SSBP3: variants seen among roughly 807,000 people sequenced by gnomAD.
SSBP3 encodes the protein single-stranded DNA-binding protein 3.
Under a neutral mutation model 69.6 loss-of-function variants are expected in SSBP3, and 5 were observed. That is an observed-to-expected ratio of 0.07 (90% CI 0.04 to 0.15). The LOEUF is 0.15. Among genes scored for constraint, SSBP3 ranks in the 10% least tolerant of loss-of-function variants. SSBP3 has a pLI of 1.00. For synonymous variants in SSBP3, 196 were observed against 193.4 expected (o/e 1.01, Z -0.11); for missense variants, 312 against 534.0 (o/e 0.58, Z 4.10).
intron 4 of SSBP3, among the ~76,000 whole-genome samples, chr1:54,362,055 T>A (rs377620672): frequency 3.1e-4 from 47 of 152,220 alleles, no homozygotes; most frequent in African/African-American, 1.0e-3. Flanking sequence ...AAATTCAGAA[T>A]TTGTATCTTT....
At chr1:54,246,359 A>G (rs1644733761) in intron 9 of SSBP3, among the ~76,000 whole-genome samples, 1 of 152,316 alleles carries the variant, frequency 6.6e-6, no homozygotes, top group South Asian at 2.1e-4. Flanking sequence ...CCCCAGGCCT[A>G]TTCTCCACTG....
intron 4 of SSBP3, among the ~76,000 whole-genome samples, chr1:54,391,226 C>T (rs529116526): frequency 3.3e-5 from 5 of 152,224 alleles, no homozygotes; most frequent in African/African-American, 9.6e-5. Context: ...AGCATTTTCA[C>T]GTGCTCTCAC....
chr1:54,254,379 A>G (rs985944107), intron 7 of SSBP3, among the ~76,000 whole-genome samples: 13 of 152,138 alleles, frequency 8.5e-5, no homozygotes, highest in African/African-American at 2.4e-4. Flanking sequence ...ACAACCCTGG[A>G]TTCCAGCCAC....
chr1:54,348,880 T>C (rs956500941), intron 4 of SSBP3, among the ~76,000 whole-genome samples: 5 of 152,194 alleles, frequency 3.3e-5, no homozygotes, highest in African/African-American at 7.2e-5. Flanking sequence ...GGCACTCACC[T>C]ACACTCAAGG....
At chr1:54,295,997 G>C (rs978753473) in intron 4 of SSBP3, among the ~76,000 whole-genome samples, 8 of 152,334 alleles carry the variant, frequency 5.3e-5, no homozygotes, top group Middle Eastern at 3.4e-3. Context: ...TTCCAAAAAA[G>C]TGGAATCCAA....
At chr1:54,228,593 G>C (rs979713008) in intron 15 of SSBP3, 116 bp from the exon 16 acceptor site, 4 of 1,507,306 alleles carry the variant, frequency 2.7e-6, no homozygotes, top group Non-Finnish European at 3.6e-6. Flanking sequence ...CACACTGTGC[G>C]GAGGGCTTTC....
chr1:54,225,470 CAT>C, exon 18 of SSBP3: 1 of 1,186,898 alleles, frequency 8.4e-7, no homozygotes, highest in Non-Finnish European at 1.1e-6. Flanking sequence ...ACGTTATCAA[CAT>C]ATATCGTACA....
intron 4 of SSBP3, among the ~76,000 whole-genome samples, chr1:54,327,485 G>A (rs1041382975): frequency 2.6e-5 from 4 of 152,108 alleles, no homozygotes; most frequent in South Asian, 2.1e-4. Context: ...GTAATGTGCT[G>A]ACCTCAAGGC....
intron 4 of SSBP3, among the ~76,000 whole-genome samples, chr1:54,370,257 T>C (rs980759523): frequency 1.3e-5 from 2 of 152,172 alleles, no homozygotes. Flanking sequence ...TTCACTTATC[T>C]GGAAATCCAA....
intron 1 of SSBP3, among the ~76,000 whole-genome samples, chr1:54,411,891 CA>C (rs71066917): frequency 1.7e-3 from 152 of 88,008 alleles, no homozygotes; most frequent in African/African-American, 5.6e-3. Context: ...GACTCCGTCT[CA>C]AAAAAAAAAA....
intron 4 of SSBP3, among the ~76,000 whole-genome samples, chr1:54,343,634 A>C (rs1327816478): frequency 6.6e-6 from 1 of 152,194 alleles, no homozygotes; most frequent in Non-Finnish European, 1.5e-5. Context: ...AATACATGTG[A>C]ATGTGCAGTG....
chr1:54,394,711 T>G (rs1648737235), intron 4 of SSBP3, among the ~76,000 whole-genome samples: 1 of 144,030 alleles, frequency 6.9e-6, no homozygotes. Flanking sequence ...TTTTTTTTTT[T>G]TTTTTTTTTG....
chr1:54,323,932 A>T (rs1646257557), intron 4 of SSBP3, among the ~76,000 whole-genome samples: 1 of 152,206 alleles, frequency 6.6e-6, no homozygotes, highest in Non-Finnish European at 1.5e-5. Context: ...CCCCCAGAGA[A>T]GATTAACTGA....
intron 6 of SSBP3, among the ~76,000 whole-genome samples, chr1:54,257,644 G>C (rs1644945822): frequency 6.6e-6 from 1 of 152,126 alleles, no homozygotes; most frequent in Admixed American, 6.5e-5. Context: ...GCAAGGACTG[G>C]GGGGGAAACG....
At chr1:54,252,683 A>G (rs1421292405) in intron 7 of SSBP3, among the ~76,000 whole-genome samples, 2 of 152,214 alleles carry the variant, frequency 1.3e-5, no homozygotes, top group Non-Finnish European at 2.9e-5. Flanking sequence ...CACTTGCCCC[A>G]CCCGCTGTGA....
At chr1:54,399,484 G>C (rs556635356) in intron 4 of SSBP3, among the ~76,000 whole-genome samples, 8 of 152,368 alleles carry the variant, frequency 5.3e-5, no homozygotes, top group African/African-American at 1.4e-4. Flanking sequence ...GCAGTTAGCA[G>C]AGTGGCCTGG....
chr1:54,389,547 A>T (rs1474615671), intron 4 of SSBP3, among the ~76,000 whole-genome samples: 1 of 152,004 alleles, frequency 6.6e-6, no homozygotes, highest in Admixed American at 6.6e-5. Flanking sequence ...GGGGTCATCA[A>T]TTAATGAGAC....
chr1:54,281,895 G>A (rs1021802501), intron 4 of SSBP3, among the ~76,000 whole-genome samples: 3 of 151,962 alleles, frequency 2.0e-5, no homozygotes, highest in African/African-American at 7.3e-5. Flanking sequence ...CCAGGAGTTC[G>A]AGACCGGCGC....
At chr1:54,239,834 G>A (rs144695327) in intron 13 of SSBP3, among the ~76,000 whole-genome samples, 3 of 152,326 alleles carry the variant, frequency 2.0e-5, no homozygotes, top group Non-Finnish European at 2.9e-5. Flanking sequence ...GGGAGCCGAG[G>A]AGGGGGCGGG....
Sources: gnomAD v4.1 joint callset for allele counts (sites outside exome capture counted in the v4.1 genomes callset) on GRCh38, gnomAD v4.1.1 for gene constraint, MANE v1.5 for transcripts, NCBI Gene and HGNC (gene_info 2026-07-23, HGNC 2026-07-21) for gene names.